The following WDR25 variants were observed in gnomAD, a reference collection of about 807,000 sequenced individuals.
The protein encoded by WDR25 is WD repeat domain 25.
A neutral mutation model predicts 47.7 loss-of-function variants in WDR25; 35 were observed. The observed-to-expected ratio is 0.73, with a 90% confidence interval of 0.56 to 0.97. The LOEUF is 0.97. Among genes scored for constraint, WDR25 ranks in the 50% least tolerant of loss-of-function variants. WDR25 has a pLI of 0.00. For synonymous variants in WDR25, 248 were observed against 278.9 expected, an observed-to-expected ratio of 0.89 and a Z score of 1.10; for missense variants, 634 against 704.7, an observed-to-expected ratio of 0.90 and a Z score of 1.14.
At chr14:100,417,747 G>T (rs1897909383) in intron 2 of WDR25, among the ~76,000 whole-genome samples, 1 of 152,204 alleles carries the variant, frequency 6.6e-6, no homozygotes, top group South Asian at 2.1e-4. Flanking sequence ...CTGCAAGACA[G>T]ACACAGGGCT....
chr14:100,415,106 T>G (rs1595516032), intron 2 of WDR25, among the ~76,000 whole-genome samples: 1 of 151,864 alleles, frequency 6.6e-6, no homozygotes, highest in African/African-American at 2.4e-5. Flanking sequence ...TGAAGCTTGG[T>G]GATGAACTGG....
At chr14:100,408,010 A>G (rs1363273591) in intron 2 of WDR25, among the ~76,000 whole-genome samples, 1 of 152,214 alleles carries the variant, frequency 6.6e-6, no homozygotes, top group South Asian at 2.1e-4. Context: ...AGATGCCTGC[A>G]CACCAGGCAC....
intron 2 of WDR25, among the ~76,000 whole-genome samples, chr14:100,447,911 G>A (rs1161576297): frequency 2.6e-5 from 4 of 152,126 alleles, no homozygotes; most frequent in Non-Finnish European, 4.4e-5. Context: ...AAAAAAAAAT[G>A]GGCTGGGCGT....
rs1420238501 is a variant in WDR25 at position 100,440,164 on chromosome 14, G to A, written c.823-27857G>A. ...AGAACATTTGGAGTAGTCCTGGGGT[G>A]GAAAGCAGCGTTTTCCTTTTTCAAT... On this transcript the variant is annotated intron_variant, in intron 2 of 6. Coordinates refer to ENST00000402312, the MANE Select transcript of WDR25 (RefSeq NM_001161476.3). This position sits in a 1 kb window ranked among gnomAD's most constrained non-coding sequence, Gnocchi z 4.4. Among the ~76,000 whole-genome samples, 1 of 152,230 alleles carries A rather than the reference G, an allele frequency of 6.6e-6. No homozygotes were observed. Among genetic ancestry groups the A allele is most frequent in the Admixed American group, 6.5e-5 (1 of 15,288 alleles).
chr14:100,528,915 T>C (rs1428138166), intron 5 of WDR25, among the ~76,000 whole-genome samples, 153 bp from the exon 6 acceptor site: 1 of 152,220 alleles, frequency 6.6e-6, no homozygotes, highest in African/African-American at 2.4e-5. Flanking sequence ...TGTGTGTGTC[T>C]TGAGCCACCA....
Position 100,380,919 on chromosome 14 carries a change from C to T in WDR25, c.-6C>T. The stretch of plus-strand genomic sequence containing the variant: ...CCTTGTTTGATCTTAGGTGGTTTGG[C>T]TTTGAATGACAGCAAGAACTCTGTC... On this transcript the variant is annotated 5_prime_UTR_variant, in exon 2 of 7. Transcript: ENST00000402312. The T allele has an allele frequency of 6.2e-7, 1 of 1,608,368 alleles. No homozygotes were observed.
In WDR25 at chr14:100,468,287, C is replaced by A; in HGVS notation, c.970+119C>A. On this transcript the variant is annotated intron_variant, in intron 3 of 6. Coordinates refer to ENST00000402312, the MANE Select transcript of WDR25 (RefSeq NM_001161476.3). This position sits in a 1 kb window ranked among gnomAD's most constrained non-coding sequence, Gnocchi z 4.5. ...TTGCGTGGCAGAGGGAGAGGGGCCT[C>A]AGGGTGGGCTCGTGCTCGGTGAGAG... 6.9e-7 allele frequency: 1 copy of A among 1,443,814 alleles called. No individual in the cohort carries two copies. Among genetic ancestry groups the A allele is most frequent in the South Asian group, 1.4e-5 (1 of 73,574 alleles). 89.4% of individuals were successfully genotyped at this position (1,443,814 alleles called of 1,614,324 possible).
intron 2 of WDR25, among the ~76,000 whole-genome samples, chr14:100,423,858 A>T (rs1285766945): frequency 6.6e-6 from 1 of 152,194 alleles, no homozygotes; most frequent in East Asian, 1.9e-4. Flanking sequence ...AGCAGCATCT[A>T]CATCTTGAGG....
chr14:100,483,147 A>G (rs1222990362), intron 3 of WDR25, among the ~76,000 whole-genome samples: 2 of 152,184 alleles, frequency 1.3e-5, no homozygotes, highest in African/African-American at 4.8e-5. Flanking sequence ...GCTCTGGGAC[A>G]TGGGGGCTGC....
At position 100,502,465 on chromosome 14, in the gene WDR25, G is replaced by C. The variant is rs536512415; in HGVS notation, c.1101+18341G>C. Among the ~76,000 whole-genome samples, 1 of 152,344 alleles carries C rather than the reference G, an allele frequency of 6.6e-6. No homozygotes were observed. Among genetic ancestry groups the C allele is most frequent in the South Asian group, 2.1e-4 (1 of 4,832 alleles). ...TGACGAGGCCTTCCTGCTGCGAGTA[G>C]TCAGCTCCCTCTCCTGGAGCTGGGG... On this transcript the variant is annotated intron_variant, in intron 4 of 6. Coordinates refer to ENST00000402312, the MANE Select transcript of WDR25 (RefSeq NM_001161476.3). The surrounding 1 kb of genome is among the most constrained non-coding windows in gnomAD (Gnocchi z 4.5).
chr14:100,489,977 CCTA>C (rs2140330133), intron 4 of WDR25, among the ~76,000 whole-genome samples: 1 of 152,284 alleles, frequency 6.6e-6, no homozygotes, highest in South Asian at 2.1e-4. Flanking sequence ...ATCTTTTCTT[CCTA>C]CTTTTATTAT....
At chr14:100,479,601 A>G (rs1422321683) in intron 3 of WDR25, among the ~76,000 whole-genome samples, 1 of 152,226 alleles carries the variant, frequency 6.6e-6, no homozygotes, top group Non-Finnish European at 1.5e-5. Flanking sequence ...TTAGAAAAAC[A>G]GTATTACAAC....
intron 2 of WDR25, among the ~76,000 whole-genome samples, chr14:100,459,929 T>C (rs190819660): frequency 0.033 from 2,581 of 77,992 alleles, 239 homozygotes; most frequent in African/African-American, 0.14. Flanking sequence ...TATATATATA[T>C]ATATATATAT....
At chr14:100,417,917 A>G (rs547362415) in intron 2 of WDR25, among the ~76,000 whole-genome samples, 10 of 149,802 alleles carry the variant, frequency 6.7e-5, no homozygotes, top group Non-Finnish European at 1.0e-4. Context: ...ATAGGTTCTC[A>G]TGAAGGTTGT....
chr14:100,414,607 C>T (rs1158144951), intron 2 of WDR25, among the ~76,000 whole-genome samples: 1 of 152,110 alleles, frequency 6.6e-6, no homozygotes, highest in Non-Finnish European at 1.5e-5. Context: ...GCCACCGCAC[C>T]CGGCCGCCTA....
At chr14:100,491,406 G>A (rs993548417) in intron 4 of WDR25, among the ~76,000 whole-genome samples, 4 of 152,272 alleles carry the variant, frequency 2.6e-5, no homozygotes, top group African/African-American at 9.6e-5. Flanking sequence ...ATGACGTTTC[G>A]GTCAATGTCA....
intron 2 of WDR25, among the ~76,000 whole-genome samples, chr14:100,438,942 C>T (rs577673659): frequency 2.6e-5 from 4 of 152,332 alleles, no homozygotes; most frequent in Non-Finnish European, 5.9e-5. Context: ...CTTCTAGAAC[C>T]CCTCTAGGGG....
chr14:100,451,363 A>G (rs1253953573), intron 2 of WDR25, among the ~76,000 whole-genome samples: 3 of 151,514 alleles, frequency 2.0e-5, no homozygotes, highest in Non-Finnish European at 4.4e-5. Flanking sequence ...CACCTCAGAC[A>G]CCCAAGTAGC....
chr14:100,408,090 C>A (rs1289777945), intron 2 of WDR25, among the ~76,000 whole-genome samples: 1 of 152,036 alleles, frequency 6.6e-6, no homozygotes, highest in Non-Finnish European at 1.5e-5. Flanking sequence ...TTGGGGACTT[C>A]TGAGGGATGT....
Sources: allele counts gnomAD v4.1 joint callset (sites outside exome capture counted in the v4.1 genomes callset), GRCh38; gene constraint gnomAD v4.1.1; non-coding constraint Gnocchi (gnomAD v3.1); transcripts MANE v1.5; gene names NCBI Gene and HGNC (gene_info 2026-07-23, HGNC 2026-07-21).